Variants in BCL2 observed in about 807,000 individuals in gnomAD.
BCL2 encodes apoptosis regulator Bcl-2.
BCL2 carries 1 observed loss-of-function variant against 14.2 expected under a neutral mutation model. The observed-to-expected ratio is 0.07, with a 90% CI of 0.02 to 0.33. The LOEUF is 0.33. Ranked by LOEUF, BCL2 falls within the 10% of genes least tolerant of loss-of-function variation. BCL2 has a pLI of 0.99. For synonymous variants in BCL2, 151 were observed against 137.2 expected (o/e 1.10, Z -0.70); for missense variants, 247 against 305.9 (o/e 0.81, Z 1.44).
chr18:63,145,979 C>T (rs1914501004), intron 2 of BCL2, among the ~76,000 whole-genome samples: 1 of 152,160 alleles, frequency 6.6e-6, no homozygotes, highest in African/African-American at 2.4e-5. Context: ...CCTCTCTCCC[C>T]TGCCTTCACT....
intron 2 of BCL2, among the ~76,000 whole-genome samples, chr18:63,237,466 G>A (rs1010399029): frequency 6.6e-6 from 1 of 152,200 alleles, no homozygotes; most frequent in Non-Finnish European, 1.5e-5. Flanking sequence ...CCTGGCTAGA[G>A]ACAGACGGAC....
Position 63,266,637 on chromosome 18 carries a change from T to TCTCACACACA in BCL2, c.585+51444_585+51445insTGTGTGTGAG, listed in dbSNP as rs1491465885. On this transcript the variant is annotated intron_variant, in intron 2 of 2. Transcript: ENST00000333681. ...CTCTCTCTCTCTCTCTCTCTCTCTC[T>TCTCACACACA]CACACACACACACACACACAAAAAT... is the stretch of plus-strand genomic sequence containing the variant. Among the ~76,000 whole-genome samples the TCTCACACACA allele has an allele frequency of 1.4e-4, 12 of 86,010 alleles. No individual in the cohort carries two copies. In the South Asian group the frequency reaches 1.6e-3, roughly 12 times the overall value. 56.4% of individuals were successfully genotyped at this position (86,010 alleles called of 152,430 possible).
chr18:63,198,379 C>CAGAG, intron 2 of BCL2, among the ~76,000 whole-genome samples: 4 of 150,130 alleles, frequency 2.7e-5, no homozygotes, highest in Non-Finnish European at 3.0e-5. Context: ...GACATAGACA[C>CAGAG]ACACAGACAC....
intron 2 of BCL2, chr18:63,313,684 T>A (rs1366547275): frequency 2.0e-5 from 3 of 152,198 alleles, no homozygotes; most frequent in Non-Finnish European, 4.4e-5. Flanking sequence ...GGAGGTATGT[T>A]GGGTGGGAAG....
rs758673021 is a variant in BCL2, at chr18:63,318,436, G to A, written c.231C>T (p.Ala77=). ...GCGCAGGCCCCGCGGCGGCGCCGGG[G>A]GCAGCCGGGGTCTGCAGCGGCGAGG... ...ARTSPLQTPA[A]PGAAAGPALS... The change falls in exon 2 of 3, where the codon GCC becomes GCT. Residue 77 remains alanine (A), a synonymous_variant. Coordinates refer to ENST00000333681, the MANE Select transcript of BCL2 (RefSeq NM_000633.3). The surrounding 1 kb of genome is among the most constrained non-coding windows in gnomAD (Gnocchi z 7.4). The A allele has an allele frequency of 8.8e-6, 13 of 1,477,074 alleles. No homozygotes were observed. In the Admixed American group the frequency reaches 2.3e-4, roughly 27 times the overall value. 91.5% of individuals were successfully genotyped at this position (1,477,074 alleles called of 1,614,324 possible).
intron 2 of BCL2, among the ~76,000 whole-genome samples, chr18:63,181,600 G>C (rs1031887886): frequency 2.0e-5 from 3 of 152,190 alleles, no homozygotes; most frequent in Non-Finnish European, 2.9e-5. Flanking sequence ...CGAAGTTATG[G>C]GGAGGGTTAA....
intron 2 of BCL2, among the ~76,000 whole-genome samples, chr18:63,266,423 C>T (rs1318931051): frequency 1.3e-5 from 2 of 151,590 alleles, no homozygotes; most frequent in African/African-American, 4.9e-5. Context: ...GTGACAGGAG[C>T]TGCTTTTGGG....
At chr18:63,305,956 TC>T (rs1913117400) in intron 2 of BCL2, among the ~76,000 whole-genome samples, 1 of 151,956 alleles carries the variant, frequency 6.6e-6, no homozygotes, top group Non-Finnish European at 1.5e-5. Context: ...GCACCTGTAG[TC>T]CCAGCTACTC....
At chr18:63,320,065 C>G (rs1913654180), upstream of BCL2, 1 of 145,808 alleles carries the variant, frequency 6.9e-6, no homozygotes, top group African/African-American at 2.5e-5. Flanking sequence ...CGCGGCGGGG[C>G]CACGGAGAGC....
intron 2 of BCL2, among the ~76,000 whole-genome samples, chr18:63,252,285 T>A (rs1223350808): frequency 6.6e-6 from 1 of 152,252 alleles, no homozygotes; most frequent in Non-Finnish European, 1.5e-5. Flanking sequence ...GAAAATTTGC[T>A]TTTGAAAGCC....
intron 2 of BCL2, chr18:63,316,768 G>C (rs1342860851): frequency 6.6e-6 from 1 of 151,918 alleles, no homozygotes; most frequent in African/African-American, 2.4e-5. Context: ...AAAAACATGT[G>C]GTGTGCTTCT....
chr18:63,285,612 T>C (rs1045570864), intron 2 of BCL2, among the ~76,000 whole-genome samples: 2 of 152,198 alleles, frequency 1.3e-5, no homozygotes, highest in Non-Finnish European at 2.9e-5. Context: ...CTGCCAGCCA[T>C]GGACTGAACA....
chr18:63,311,836 T>C (rs1913331810), intron 2 of BCL2, among the ~76,000 whole-genome samples: 1 of 152,158 alleles, frequency 6.6e-6, no homozygotes, highest in African/African-American at 2.4e-5. Flanking sequence ...GCCATACCAG[T>C]ATGTCAGGGA....
chr18:63,183,868 A>C (rs967091486), intron 2 of BCL2, among the ~76,000 whole-genome samples: 2 of 152,164 alleles, frequency 1.3e-5, no homozygotes, highest in Non-Finnish European at 2.9e-5. Flanking sequence ...TTATGTTAGC[A>C]AGAATAACCA....
At chr18:63,272,692 T>C (rs193221397) in intron 2 of BCL2, among the ~76,000 whole-genome samples, 459 of 152,322 alleles carry the variant, frequency 3.0e-3, no homozygotes, top group Non-Finnish European at 5.3e-3. Context: ...ACTGACACTT[T>C]AACTCATGTG....
At chr18:63,138,820 C>T (rs946555704) in intron 2 of BCL2, among the ~76,000 whole-genome samples, 4 of 152,238 alleles carry the variant, frequency 2.6e-5, no homozygotes, top group African/African-American at 7.2e-5. Flanking sequence ...CACAGTTGGT[C>T]CAGGGAAGTT....
At chr18:63,287,812 T>C (rs1372494806) in intron 2 of BCL2, among the ~76,000 whole-genome samples, 2 of 152,154 alleles carry the variant, frequency 1.3e-5, no homozygotes, top group Non-Finnish European at 2.9e-5. Context: ...AGAGAGACTT[T>C]TAGAAGCAGG....
At position 63,223,257 on chromosome 18, in the gene BCL2, G is replaced by A. The variant is rs541108052; in HGVS notation, c.586-94498C>T. Among the ~76,000 whole-genome samples the A allele has an allele frequency of 5.9e-5, 9 of 152,228 alleles. No individual in the cohort carries two copies. In the South Asian group the frequency reaches 1.7e-3, roughly 28 times the overall value. ...CTACTAAAAATAGAAAAAGTTAGCCGGGCGTGGTGGCGGGCACCTGTAGTC... is the reference window on the plus strand; with the variant it reads ...CTACTAAAAATAGAAAAAGTTAGCCAGGCGTGGTGGCGGGCACCTGTAGTC... On this transcript the variant is annotated intron_variant, in intron 2 of 2. Coordinates refer to ENST00000333681, the MANE Select transcript of BCL2 (RefSeq NM_000633.3).
rs144527240 is a variant in BCL2 at position 63,127,536 on chromosome 18, T to C, written c.*1089A>G. The C allele has an allele frequency of 4.3e-6, 1 of 231,362 alleles. No homozygotes were observed. The highest frequency in any genetic ancestry group is 6.1e-5 in the East Asian group (1 of 16,472). The allele number at this position is 231,362 out of a possible 1,614,324, so 14.3% of individuals were successfully genotyped here. A position where few individuals can be genotyped will look rare whatever the true frequency, so the allele number is the denominator to read the frequency against. On this transcript the variant is annotated 3_prime_UTR_variant, in exon 3 of 3. Coordinates refer to ENST00000333681, the MANE Select transcript of BCL2 (RefSeq NM_000633.3). Reference sequence around the variant, plus strand: ...CAGTGGAATTCTGAGCTCCATCAGCTTCCAGACATTCGGAGACCACACTGC... The same window carrying C: ...CAGTGGAATTCTGAGCTCCATCAGCCTCCAGACATTCGGAGACCACACTGC...
Sources: allele counts gnomAD v4.1 joint callset (sites outside exome capture counted in the v4.1 genomes callset), GRCh38; gene constraint gnomAD v4.1.1; non-coding constraint Gnocchi (gnomAD v3.1); transcripts MANE v1.5; gene names NCBI Gene and HGNC (gene_info 2026-07-23, HGNC 2026-07-21).